The following PLEKHG7 variants were observed in gnomAD, a reference collection of about 807,000 sequenced individuals.
PLEKHG7 encodes the protein pleckstrin homology domain-containing family G member 7.
A neutral mutation model predicts 85.2 loss-of-function variants in PLEKHG7; 77 were observed. The ratio of observed to expected loss-of-function variants is 0.90; its 90% CI spans 0.75 to 1.09. The LOEUF is 1.09. Ranked by LOEUF, PLEKHG7 falls within the 50% of genes least tolerant of loss-of-function variation. PLEKHG7 has a pLI of 0.00. For missense variants in PLEKHG7, 777 were observed against 804.3 expected (o/e 0.97, Z 0.41); for synonymous variants, 301 against 302.4 (o/e 1.00, Z 0.05).
intron 15 of PLEKHG7, among the ~76,000 whole-genome samples, chr12:92,768,335 T>C (rs1025763109): frequency 2.0e-5 from 3 of 152,224 alleles, no homozygotes; most frequent in African/African-American, 7.2e-5. Flanking sequence ...GCTCTCCCAC[T>C]ATCTTTTCTT....
intron 7 of PLEKHG7, among the ~76,000 whole-genome samples, chr12:92,739,171 CAG>C (rs377357073): frequency 3.3e-5 from 5 of 151,588 alleles, no homozygotes; most frequent in African/African-American, 9.7e-5. Context: ...AGCTAATGGC[CAG>C]AGAGAGAGAG....
chr12:92,769,015 C>T lies in PLEKHG7; in HGVS notation c.1903C>T (p.His635Tyr). 2 of 1,603,232 alleles carry T rather than the reference C, an allele frequency of 1.2e-6. No individual in the cohort carries two copies. Among genetic ancestry groups the T allele is most frequent in the Non-Finnish European group, 1.7e-6 (2 of 1,172,188 alleles). The change falls in exon 16 of 17, where the codon CAC becomes TAC. Residue 635 changes from histidine to tyrosine, a missense_variant. His to Tyr is a moderately conservative substitution (Grantham distance 83, BLOSUM62 2). This residue lies in a region of PLEKHG7 where 520 missense variants were observed against 544.0 expected (regional missense o/e 0.96). Coordinates refer to ENST00000344636, the MANE Select transcript of PLEKHG7 (RefSeq NM_001377329.1). ...GCTGAGAAATGCTTTTCTTATACAA[C>T]ACGAAAACAGATATCGACAGTGTAT... ...FGLRNAFLIQ[H>Y]ENRYRQCIAA...
intron 3 of PLEKHG7, among the ~76,000 whole-genome samples, chr12:92,714,102 G>T (rs192695015): frequency 6.6e-6 from 1 of 152,152 alleles, no homozygotes; most frequent in Non-Finnish European, 1.5e-5. Context: ...GGTGCCTGCC[G>T]GGACTTTAGT....
chr12:92,707,628 A>T (rs1871275298), intron 2 of PLEKHG7, 22 bp from the exon 3 acceptor site: 23 of 1,611,604 alleles, frequency 1.4e-5, no homozygotes, highest in Non-Finnish European at 1.9e-5. Flanking sequence ...ACTAAAACAT[A>T]TGTTCTTAAA....
intron 3 of PLEKHG7, among the ~76,000 whole-genome samples, chr12:92,708,849 G>T (rs1198154627): frequency 6.6e-6 from 1 of 152,170 alleles, no homozygotes; most frequent in South Asian, 2.1e-4. Context: ...TACCAACAGT[G>T]GGAGAGCATT....
At chr12:92,704,235 TG>T (rs1871167658) in intron 1 of PLEKHG7, among the ~76,000 whole-genome samples, 1 of 151,484 alleles carries the variant, frequency 6.6e-6, no homozygotes, top group Admixed American at 6.6e-5. Context: ...GCACTCAGCC[TG>T]GGCGACAGAG....
intron 11 of PLEKHG7, among the ~76,000 whole-genome samples, chr12:92,754,624 G>C (rs897322175): frequency 6.6e-6 from 1 of 152,154 alleles, no homozygotes; most frequent in African/African-American, 2.4e-5. Flanking sequence ...TAAACACCAT[G>C]GAAAGTGTGT....
At chr12:92,765,352 G>T (rs1873163482) in intron 15 of PLEKHG7, among the ~76,000 whole-genome samples, 1 of 151,038 alleles carries the variant, frequency 6.6e-6, no homozygotes, top group African/African-American at 2.4e-5. Flanking sequence ...AAAATAGGCT[G>T]GGCGTGGTGG....
chr12:92,766,693 G>A (rs1873208891), intron 15 of PLEKHG7, among the ~76,000 whole-genome samples: 1 of 152,028 alleles, frequency 6.6e-6, no homozygotes, highest in Non-Finnish European at 1.5e-5. Context: ...AGCCAGGCGT[G>A]GTGGCACACA....
chr12:92,730,160 C>T (rs1306011842), intron 4 of PLEKHG7, among the ~76,000 whole-genome samples: 2 of 152,140 alleles, frequency 1.3e-5, no homozygotes, highest in African/African-American at 4.8e-5. Context: ...ATGTTTATAG[C>T]TCTTTATTTT....
Position 92,769,072 on chromosome 12 carries a change from A to C in PLEKHG7, c.1960A>C (p.Asn654His). 1 of 1,573,934 alleles carries C rather than the reference A, an allele frequency of 6.4e-7. No individual in the cohort carries two copies. The highest frequency in any genetic ancestry group is 1.1e-5 in the South Asian group (1 of 89,032). Residue 654 changes from asparagine to histidine, a missense_variant, in exon 16 of 17, where the codon AAC (asparagine) becomes CAC (histidine). Asn to His is a moderately conservative substitution (Grantham distance 68). Transcript: ENST00000344636. The part of the protein sequence containing the change: ...AAFLLQAQTE[N>H]IKKTWMAQIT... ...ATTCTTATTACAAGCCCAAACGGAA[A>C]ACATCAAAGTATGTATTTTAATTTT...
chr12:92,716,954 T>C (rs1190300657), intron 3 of PLEKHG7, among the ~76,000 whole-genome samples: 1 of 152,204 alleles, frequency 6.6e-6, no homozygotes, highest in Admixed American at 6.5e-5. Flanking sequence ...CCCCAATGCA[T>C]TTGCATTTTA....
At chr12:92,723,087 T>C (rs1030878513) in intron 3 of PLEKHG7, among the ~76,000 whole-genome samples, 6 of 152,188 alleles carry the variant, frequency 3.9e-5, no homozygotes, top group East Asian at 1.9e-4. Flanking sequence ...GGCAGGCAGA[T>C]GGGAACTACC....
intron 13 of PLEKHG7, among the ~76,000 whole-genome samples, chr12:92,758,138 A>T (rs557894520): frequency 6.6e-6 from 1 of 152,244 alleles, no homozygotes; most frequent in Non-Finnish European, 1.5e-5. Context: ...GCAAAACATT[A>T]TCTGTGTTCC....
intron 8 of PLEKHG7, 86 bp downstream of exon 8, chr12:92,741,034 C>A: frequency 1.1e-6 from 1 of 902,536 alleles, no homozygotes; most frequent in Non-Finnish European, 1.8e-6. Flanking sequence ...GGCTTGTATG[C>A]CATAATACAT....
chr12:92,741,534 A>T lies in PLEKHG7; in HGVS notation c.1079A>T (p.Asp360Val). The T allele has an allele frequency of 1.2e-6, 2 of 1,613,402 alleles. No homozygotes were observed. Among genetic ancestry groups the T allele is most frequent in the Non-Finnish European group, 1.7e-6 (2 of 1,179,722 alleles). ...FVNSLFGIIK[D>V]YVDASEISSS... Reference sequence around the variant, plus strand: ...AACAGTCTCTTTGGCATCATCAAGGACTATGTAGACGCTTCTGAGATTTCC... The same window carrying T: ...AACAGTCTCTTTGGCATCATCAAGGTCTATGTAGACGCTTCTGAGATTTCC... Residue 360 changes from aspartate to valine, a missense_variant, in exon 9 of 17, where the codon GAC becomes GTC. Asp to Val is a radical substitution (Grantham distance 152). Transcript: ENST00000344636.
At chr12:92,761,932 A>G in intron 14 of PLEKHG7, 101 bp downstream of exon 14, 1 of 1,299,526 alleles carries the variant, frequency 7.7e-7, no homozygotes, top group Non-Finnish European at 9.8e-7. Context: ...AATATTCTTA[A>G]GCTGAATCTT....
chr12:92,730,204 A>T (rs891756508), intron 4 of PLEKHG7, among the ~76,000 whole-genome samples: 1 of 152,180 alleles, frequency 6.6e-6, no homozygotes, highest in African/African-American at 2.4e-5. Flanking sequence ...ACTGTCTTAT[A>T]TGATACAGTA....
At position 92,771,520 on chromosome 12, in the gene PLEKHG7, G is replaced by A. The variant is rs940481217; in HGVS notation, c.*1325G>A. The A allele has an allele frequency of 1.3e-5, 2 of 152,004 alleles. No individual in the cohort carries two copies. Among genetic ancestry groups the A allele is most frequent in the African/African-American group, 4.8e-5 (2 of 41,432 alleles). 9.4% of individuals were successfully genotyped at this position (152,004 alleles called of 1,614,324 possible). ...GAAAATCTGGAGGACAGTAACTATT[G>A]TTAATAGCTAAGAATAAATGAGGTG... On this transcript the variant is annotated 3_prime_UTR_variant, in exon 17 of 17. Coordinates refer to ENST00000344636, the MANE Select transcript of PLEKHG7 (RefSeq NM_001377329.1).
Sources: allele counts gnomAD v4.1 joint callset (sites outside exome capture counted in the v4.1 genomes callset), GRCh38; gene constraint gnomAD v4.1.1; regional missense constraint gnomAD v4.1.1; transcripts MANE v1.5; gene names NCBI Gene and HGNC (gene_info 2026-07-23, HGNC 2026-07-21).